The following ADGRB1 variants were observed in gnomAD, a reference collection of about 807,000 sequenced individuals.
ADGRB1 encodes the protein adhesion G protein-coupled receptor B1.
Under a neutral mutation model 175.7 loss-of-function variants are expected in ADGRB1, and 36 were observed. The ratio of observed to expected loss-of-function variants is 0.20; its 90% CI spans 0.16 to 0.27. The LOEUF (loss-of-function observed/expected upper bound fraction) is 0.27, where lower values mean the gene tolerates loss of function less well. Among genes scored for constraint, ADGRB1 ranks in the 10% least tolerant of loss-of-function variants. The probability of loss-of-function intolerance (pLI) is 1.00; values close to 1 mark genes in which losing one functional copy is unlikely to be tolerated. For synonymous variants in ADGRB1, 1,054 were observed against 979.4 expected, an observed-to-expected ratio of 1.08 and a Z score of -1.42; for missense variants, 1,731 against 2,255.3, an observed-to-expected ratio of 0.77 and a Z score of 4.71.
At chr8:142,521,927 G>A in intron 20 of ADGRB1, 38 bp from the exon 21 acceptor site, 1 of 1,549,238 alleles carries the variant, frequency 6.5e-7, no homozygotes. Context: ...GGGCCGGGGA[G>A]CACCTGCCCA....
Position 142,475,486 on chromosome 8 carries a change from T to C in ADGRB1, c.797T>C (p.Leu266Pro), listed in dbSNP as rs750624216. ...GGTTTCCCCCCAGGCGGCTGGAAGC[T>C]GTGGTCCCTGTGGGGCGAATGCACG... ...GGHGATGGWK[L>P]WSLWGECTRD... The change falls in exon 3 of 31, where the codon CTG becomes CCG. Residue 266 changes from leucine to proline, a missense_variant. Around this residue, in one of 8 missense-constraint regions of ADGRB1, gnomAD observed 178 missense variants for 227.8 expected, o/e 0.78. Transcript: ENST00000517894. The C allele has an allele frequency of 7.7e-7, 1 of 1,295,230 alleles. No individual in the cohort carries two copies. Among genetic ancestry groups the C allele is most frequent in the Non-Finnish European group, 9.8e-7 (1 of 1,020,380 alleles). The allele number at this position is 1,295,230 out of a possible 1,614,324, so 80.2% of individuals were successfully genotyped here.
intron 27 of ADGRB1, 159 bp downstream of exon 27, chr8:142,539,572 G>C: frequency 2.2e-6 from 2 of 892,308 alleles, no homozygotes; most frequent in Non-Finnish European, 3.4e-6. Flanking sequence ...GGACCCAGGG[G>C]ACCTGCCCTG....
chr8:142,516,700 C>T (rs1264118058), intron 18 of ADGRB1, among the ~76,000 whole-genome samples: 3 of 129,150 alleles, frequency 2.3e-5, no homozygotes, highest in Admixed American at 7.5e-5. Context: ...GCCCCAGGTG[C>T]GTGCATGTGT....
chr8:142,537,420 C>T lies in ADGRB1; in HGVS notation c.3666+338C>T, dbSNP rs113189994. The stretch of plus-strand genomic sequence containing the variant: ...ACTCAAGGTCCCCATCCTTACACCT[C>T]CCAGGCCCACCCTCAGTGCCCTCCA... On this transcript the variant is annotated intron_variant, in intron 26 of 30. Coordinates refer to ENST00000517894, the MANE Select transcript of ADGRB1 (RefSeq NM_001702.3). This position sits in a 1 kb window ranked among gnomAD's most constrained non-coding sequence, Gnocchi z 4.6. 0.022 allele frequency among the ~76,000 whole-genome samples: 3,401 copies of T among 152,182 alleles called. 57 individuals are homozygous for T. The highest frequency in any genetic ancestry group is 0.035 in the Non-Finnish European group (2,409 of 67,974).
intron 19 of ADGRB1, among the ~76,000 whole-genome samples, chr8:142,520,294 G>T (rs1211205370): frequency 1.3e-5 from 2 of 151,112 alleles, no homozygotes; most frequent in South Asian, 4.3e-4. Context: ...TTGTGATGAT[G>T]ATAGTGGTGC....
In ADGRB1 at chr8:142,537,752, G is replaced by A. The variant is rs1478845091; in HGVS notation, c.3666+670G>A. 6.6e-6 allele frequency among the ~76,000 whole-genome samples: 1 copy of A among 152,136 alleles called. No individual in the cohort carries two copies. Among genetic ancestry groups the A allele is most frequent in the Non-Finnish European group, 1.5e-5 (1 of 68,012 alleles). ...CACAGCGTTCCCACGACACGCACAG[G>A]TCCTGGGAGGGCGGCCCAAGTGGCG... On this transcript the variant is annotated intron_variant, in intron 26 of 30. Coordinates refer to ENST00000517894, the MANE Select transcript of ADGRB1 (RefSeq NM_001702.3). The surrounding 1 kb of genome is among the most constrained non-coding windows in gnomAD (Gnocchi z 4.6).
chr8:142,518,967 C>G (rs1233484769), intron 19 of ADGRB1, among the ~76,000 whole-genome samples: 1 of 152,196 alleles, frequency 6.6e-6, no homozygotes, highest in Non-Finnish European at 1.5e-5. Flanking sequence ...CTGTCTGCTG[C>G]CCAAGGTCGG....
At position 142,526,522 on chromosome 8, in the gene ADGRB1, C is replaced by CCCCCCCCCCA; in HGVS notation, c.3313-20_3313-19insCCCCCCCCCA. 6.5e-7 allele frequency: 1 copy of CCCCCCCCCCA among 1,543,528 alleles called. No individual in the cohort carries two copies. The highest frequency in any genetic ancestry group is 8.8e-7 in the Non-Finnish European group (1 of 1,133,016). ...ACGGCGGCCCCCACCCCCACACCCC[C>CCCCCCCCCCA]ACCACTCTCTGCCCGGCAGGTGAAC... On this transcript the variant is annotated intron_variant, in intron 23 of 30. Coordinates refer to ENST00000517894, the MANE Select transcript of ADGRB1 (RefSeq NM_001702.3).
At chr8:142,518,058 T>C (rs1843548458) in intron 18 of ADGRB1, 80 bp from the exon 19 acceptor site, 1 of 1,383,336 alleles carries the variant, frequency 7.2e-7, no homozygotes, top group Non-Finnish European at 1.0e-6. Flanking sequence ...GGCTGCGGGC[T>C]CTCGGGTCTC....
At chr8:142,456,118 C>T (rs1410909623) in intron 1 of ADGRB1, among the ~76,000 whole-genome samples, 1 of 152,064 alleles carries the variant, frequency 6.6e-6, no homozygotes, top group African/African-American at 2.4e-5. Context: ...AGGAGAAGGG[C>T]CCCTGCACTC....
At chr8:142,507,943 A>C (rs1842921379) in intron 17 of ADGRB1, among the ~76,000 whole-genome samples, 1 of 150,704 alleles carries the variant, frequency 6.6e-6, no homozygotes, top group African/African-American at 2.4e-5. Context: ...CCACAACCGC[A>C]CACCCATCCC....
At chr8:142,539,528 C>T (rs1165583768) in intron 27 of ADGRB1, 115 bp downstream of exon 27, 2 of 1,275,032 alleles carry the variant, frequency 1.6e-6, no homozygotes, top group Non-Finnish European at 2.2e-6. Flanking sequence ...CCTGCTGCCC[C>T]CACCCACACC....
intron 1 of ADGRB1, among the ~76,000 whole-genome samples, chr8:142,456,306 ACTCT>A (rs1839678078): frequency 6.6e-6 from 1 of 151,898 alleles, no homozygotes; most frequent in African/African-American, 2.4e-5. Context: ...CTGGCAACTC[ACTCT>A]GTGCGCACAC....
chr8:142,514,894 G>A (rs1056807198), intron 18 of ADGRB1, among the ~76,000 whole-genome samples: 11 of 152,148 alleles, frequency 7.2e-5, no homozygotes, highest in African/African-American at 2.7e-4. Context: ...TATGACTAGA[G>A]ACAGAAATTA....
chr8:142,463,416 C>T (rs377137520), intron 1 of ADGRB1, among the ~76,000 whole-genome samples: 83 of 152,346 alleles, frequency 5.4e-4, no homozygotes, highest in African/African-American at 1.9e-3. Context: ...AGAAAGGGCT[C>T]GGGGGCCAGA....
chr8:142,517,424 G>A (rs1374205774), intron 18 of ADGRB1, among the ~76,000 whole-genome samples: 1 of 152,198 alleles, frequency 6.6e-6, no homozygotes, highest in Non-Finnish European at 1.5e-5. Flanking sequence ...CCAGTGCGCT[G>A]ATCACCTCCC....
In ADGRB1 at chr8:142,452,355, T is replaced by C. The variant is rs376162063; in HGVS notation, c.-220+2251T>C. On this transcript the variant is annotated intron_variant, in intron 1 of 30. Transcript: ENST00000517894. ...CGCCTCCGATCCCAGGGACGGGCGC[T>C]TGTTCCTGCCGGGGTCCCGCGCAGG... Among the ~76,000 whole-genome samples, 21 of 152,226 alleles carry C rather than the reference T, an allele frequency of 1.4e-4. No individual in the cohort carries two copies. The South Asian group carries it at 1.9e-3, about 14-fold the overall frequency.
chr8:142,478,141 G>A (rs1256513800), intron 6 of ADGRB1, 46 bp from the exon 7 acceptor site: 9 of 1,563,768 alleles, frequency 5.8e-6, no homozygotes, highest in Admixed American at 3.8e-5. Context: ...CCAGGCATTG[G>A]GGTGCCGGGT....
chr8:142,532,758 C>T (rs1355511336), intron 24 of ADGRB1, among the ~76,000 whole-genome samples: 2 of 152,154 alleles, frequency 1.3e-5, no homozygotes, highest in African/African-American at 2.4e-5. Flanking sequence ...CTGGACCCCT[C>T]GCCTGGGGCC....
Sources: gnomAD v4.1 joint callset for allele counts (sites outside exome capture counted in the v4.1 genomes callset) on GRCh38, gnomAD v4.1.1 for gene constraint, gnomAD v4.1.1 regional missense constraint, Gnocchi (gnomAD v3.1) non-coding constraint, MANE v1.5 for transcripts, NCBI Gene and HGNC (gene_info 2026-07-23, HGNC 2026-07-21) for gene names.